The following SYNPR variants were observed in gnomAD, a reference collection of about 807,000 sequenced individuals.
SYNPR encodes the protein synaptoporin.
In SYNPR, 23 loss-of-function variants were observed where a neutral mutation model predicts 32.9. The observed-to-expected ratio is 0.70, with a 90% CI of 0.50 to 0.99. SYNPR has a LOEUF of 0.99. SYNPR is among the 50% of genes least tolerant of loss of function. SYNPR has a pLI of 0.00. For synonymous variants in SYNPR, 146 were observed against 135.9 expected (o/e 1.07, Z -0.52); for missense variants, 318 against 349.3 (o/e 0.91, Z 0.71).
intron 2 of SYNPR, among the ~76,000 whole-genome samples, chr3:63,413,324 T>TA (rs560622841): frequency 6.6e-6 from 1 of 152,226 alleles, no homozygotes; most frequent in Non-Finnish European, 1.5e-5. Flanking sequence ...AACAGTCTGT[T>TA]ACCTTTTTGC....
intron 2 of SYNPR, among the ~76,000 whole-genome samples, chr3:63,344,934 T>A (rs1560199256): frequency 6.6e-6 from 1 of 152,286 alleles, no homozygotes; most frequent in East Asian, 1.9e-4. Flanking sequence ...CCAGACCAGA[T>A]AAGCCAGTTT....
chr3:63,381,227 A>G (rs1314313374), intron 2 of SYNPR, among the ~76,000 whole-genome samples: 1 of 152,194 alleles, frequency 6.6e-6, no homozygotes, highest in African/African-American at 2.4e-5. Context: ...AAATCAATGT[A>G]CAAAAATCAC....
rs576592929 is a variant in SYNPR at position 63,244,717 on chromosome 3, T to C, written n.67-7782T>C. Reference sequence around the variant, plus strand: ...AAGATGGCAACTTCATTTAGGACTATCAATCTATTGAGCTTTTTGGAATAC... The same window carrying C: ...AAGATGGCAACTTCATTTAGGACTACCAATCTATTGAGCTTTTTGGAATAC... On this transcript the variant is annotated intron_variant and non_coding_transcript_variant, in intron 1 of 4. Coordinates refer to the SYNPR transcript ENST00000478456. Among the ~76,000 whole-genome samples, 4 of 152,230 alleles carry C rather than the reference T, an allele frequency of 2.6e-5. No homozygotes were observed. The South Asian group carries it at 6.2e-4, about 24-fold the overall frequency.
intron 2 of SYNPR, among the ~76,000 whole-genome samples, chr3:63,429,422 T>C (rs1395013857): frequency 6.6e-6 from 1 of 152,202 alleles, no homozygotes. Flanking sequence ...TTAGCACTTC[T>C]GCTCACTCTG....
chr3:63,433,393 C>T (rs1470003486), intron 2 of SYNPR, among the ~76,000 whole-genome samples: 1 of 152,156 alleles, frequency 6.6e-6, no homozygotes, highest in African/African-American at 2.4e-5. Flanking sequence ...GTAAGACATT[C>T]TATTTTAAAA....
intron 4 of SYNPR, among the ~76,000 whole-genome samples, chr3:63,565,963 C>A (rs890945436): frequency 6.6e-6 from 1 of 152,132 alleles, no homozygotes; most frequent in Non-Finnish European, 1.5e-5. Flanking sequence ...CACTCTTCAG[C>A]CCAACCTAAA....
chr3:63,394,610 G>A (rs914180860), intron 2 of SYNPR, among the ~76,000 whole-genome samples: 6 of 152,010 alleles, frequency 3.9e-5, no homozygotes, highest in Non-Finnish European at 8.8e-5. Context: ...GATCAGAGGC[G>A]TCATTCAGCT....
chr3:63,434,294 C>T (rs1700042323), intron 2 of SYNPR, among the ~76,000 whole-genome samples: 1 of 152,166 alleles, frequency 6.6e-6, no homozygotes. Flanking sequence ...ATGTATCTTG[C>T]CTGTAGCTTT....
chr3:63,544,874 TCA>T lies in SYNPR; in HGVS notation c.210-11652_210-11651del, dbSNP rs10640275. The stretch of plus-strand genomic sequence containing the variant: ...TATACTCCATCATCTCATTCAAACT[TCA>T]CACACACACACACACAATCCTATGA... On this transcript the variant is annotated intron_variant, in intron 3 of 5. Transcript: ENST00000478300. Among the ~76,000 whole-genome samples the T allele has an allele frequency of 5.2e-3, 791 of 150,710 alleles. 8 individuals are homozygous for T. The highest frequency in any genetic ancestry group is 0.018 in the African/African-American group (739 of 41,168).
At chr3:63,251,463 G>C (rs1167752923) in intron 1 of SYNPR, among the ~76,000 whole-genome samples, 1 of 152,086 alleles carries the variant, frequency 6.6e-6, no homozygotes, top group East Asian at 1.9e-4. Context: ...AAGAAAACTT[G>C]CTTCTTGTTT....
intron 3 of SYNPR, among the ~76,000 whole-genome samples, chr3:63,492,774 GC>G (rs1279567832): frequency 1.3e-5 from 2 of 152,084 alleles, no homozygotes; most frequent in Non-Finnish European, 1.5e-5. Flanking sequence ...CCAGGGAGAA[GC>G]TTTACACCCT....
At chr3:63,324,593 T>A (rs950704396) in intron 2 of SYNPR, among the ~76,000 whole-genome samples, 5 of 152,050 alleles carry the variant, frequency 3.3e-5, no homozygotes, top group African/African-American at 1.2e-4. Context: ...TCCAGGTGAG[T>A]GGTCTTGAAA....
chr3:63,361,598 CAAAAAAA>C (rs34536474), intron 2 of SYNPR, among the ~76,000 whole-genome samples: 2 of 78,882 alleles, frequency 2.5e-5, no homozygotes, highest in African/African-American at 4.6e-5. Flanking sequence ...ACTCTGTCTC[CAAAAAAA>C]AAAAAAAAAA....
At chr3:63,570,870 A>G (rs1324590528) in intron 4 of SYNPR, among the ~76,000 whole-genome samples, 1 of 152,206 alleles carries the variant, frequency 6.6e-6, no homozygotes, top group African/African-American at 2.4e-5. Flanking sequence ...GAAATTAATG[A>G]TCTTCATCAA....
At chr3:63,280,183 A>G (rs1380030374) in intron 2 of SYNPR, among the ~76,000 whole-genome samples, 1 of 152,192 alleles carries the variant, frequency 6.6e-6, no homozygotes, top group Non-Finnish European at 1.5e-5. Context: ...CCTATCTGAA[A>G]TATTAGTTCG....
chr3:63,403,976 A>C (rs927166915), intron 2 of SYNPR, among the ~76,000 whole-genome samples: 1 of 152,194 alleles, frequency 6.6e-6, no homozygotes, highest in African/African-American at 2.4e-5. Flanking sequence ...GACTGGGTTC[A>C]ATTTATCAGT....
At chr3:63,532,356 C>T (rs1387209937) in intron 3 of SYNPR, among the ~76,000 whole-genome samples, 1 of 152,166 alleles carries the variant, frequency 6.6e-6, no homozygotes, top group African/African-American at 2.4e-5. Context: ...TCACACTAAA[C>T]CCCTGCAAGT....
At chr3:63,475,647 G>T (rs984605189) in intron 2 of SYNPR, among the ~76,000 whole-genome samples, 2 of 152,104 alleles carry the variant, frequency 1.3e-5, no homozygotes, top group African/African-American at 4.8e-5. Context: ...CTTGCTTATA[G>T]TATTACAGAG....
At chr3:63,392,648 G>A (rs917095723) in intron 2 of SYNPR, among the ~76,000 whole-genome samples, 2 of 152,178 alleles carry the variant, frequency 1.3e-5, no homozygotes, top group Non-Finnish European at 2.9e-5. Context: ...CAGATGCCTG[G>A]TGGTTCAGCC....
Sources: allele counts gnomAD v4.1 joint callset (sites outside exome capture counted in the v4.1 genomes callset), GRCh38; gene constraint gnomAD v4.1.1; transcripts MANE v1.5; gene names NCBI Gene and HGNC (gene_info 2026-07-23, HGNC 2026-07-21).